The following DACH1 variants were observed in gnomAD, a reference collection of about 807,000 sequenced individuals.
DACH1 encodes dachshund family transcription factor 1, also known as dachshund homolog 1.
DACH1 carries 12 observed loss-of-function variants against 54.2 expected under a neutral mutation model. The ratio of observed to expected loss-of-function variants is 0.22; its 90% CI spans 0.14 to 0.36. The LOEUF is 0.36. Among genes scored for constraint, DACH1 ranks in the 10% least tolerant of loss-of-function variants. The pLI is 1.00. For missense variants in DACH1, 805 were observed against 929.8 expected (o/e 0.87, Z 1.75); for synonymous variants, 386 against 366.2 (o/e 1.05, Z -0.62).
chr13:71,467,475 G>A (rs1876691524), intron 10 of DACH1, among the ~76,000 whole-genome samples: 1 of 150,062 alleles, frequency 6.7e-6, no homozygotes, highest in South Asian at 2.1e-4. Flanking sequence ...TTGTGCACAT[G>A]TACCCTAAAA....
At chr13:71,475,940 C>A in intron 8 of DACH1, 91 bp from the exon 9 acceptor site, 1 of 1,012,800 alleles carries the variant, frequency 9.9e-7, no homozygotes, top group South Asian at 3.1e-5. Flanking sequence ...TTATATTATT[C>A]ATTTTGTTTT....
intron 1 of DACH1, among the ~76,000 whole-genome samples, chr13:71,685,721 G>A (rs1881126208): frequency 6.6e-6 from 1 of 151,972 alleles, no homozygotes; most frequent in Non-Finnish European, 1.5e-5. Flanking sequence ...TCTTTCAAAG[G>A]CATTTTAGGG....
chr13:71,738,549 A>G (rs555164371), intron 1 of DACH1, among the ~76,000 whole-genome samples: 1 of 151,646 alleles, frequency 6.6e-6, no homozygotes, highest in South Asian at 2.1e-4. Flanking sequence ...GACCAATATT[A>G]TGGTGAAACC....
chr13:71,620,830 A>T (rs1876179326), intron 3 of DACH1, among the ~76,000 whole-genome samples: 2 of 151,972 alleles, frequency 1.3e-5, no homozygotes, highest in Admixed American at 1.3e-4. Context: ...TTCTCCAAAG[A>T]TCATAATCTA....
chr13:71,798,319 CATACATATATATATAT>C (rs1443795970), intron 1 of DACH1, among the ~76,000 whole-genome samples: 1 of 85,470 alleles, frequency 1.2e-5, no homozygotes, highest in Non-Finnish European at 2.3e-5. Context: ...GAACTTGTTA[CATACATATATATATAT>C]ATATATATAT....
At chr13:71,709,343 C>T (rs904970797) in intron 1 of DACH1, among the ~76,000 whole-genome samples, 7 of 151,930 alleles carry the variant, frequency 4.6e-5, no homozygotes, top group Non-Finnish European at 8.8e-5. Flanking sequence ...AACCACAGTC[C>T]AAAAACATTA....
chr13:71,439,483 G>A lies in DACH1; in HGVS notation c.*1172C>T, dbSNP rs2138089228. 1 of 152,482 alleles carries A rather than the reference G, an allele frequency of 6.6e-6. No homozygotes were observed. The highest frequency in any genetic ancestry group is 6.6e-5 in the Admixed American group (1 of 15,244). 9.4% of individuals were successfully genotyped at this position (152,482 alleles called of 1,614,324 possible). A position where few individuals can be genotyped will look rare whatever the true frequency, so the allele number is the denominator to read the frequency against. ...GTATTGGACTGGTACATCAAGGTTTGTTAGGTTTTGTTTTCAGCAACATTA... is the reference window on the plus strand; with the variant it reads ...GTATTGGACTGGTACATCAAGGTTTATTAGGTTTTGTTTTCAGCAACATTA... On this transcript the variant is annotated 3_prime_UTR_variant, in exon 11 of 11. Coordinates refer to ENST00000613252, the MANE Select transcript of DACH1 (RefSeq NM_080759.6).
At chr13:71,513,247 TA>T (rs1446032607) in intron 6 of DACH1, among the ~76,000 whole-genome samples, 2 of 151,972 alleles carry the variant, frequency 1.3e-5, no homozygotes, top group Non-Finnish European at 2.9e-5. Flanking sequence ...ATAATTGGCT[TA>T]GCAAATCTTT....
At chr13:71,596,332 T>C (rs1874095111) in intron 3 of DACH1, among the ~76,000 whole-genome samples, 1 of 152,092 alleles carries the variant, frequency 6.6e-6, no homozygotes, top group Non-Finnish European at 1.5e-5. Context: ...CTACTCCAAA[T>C]ACTGGAAAAT....
At chr13:71,496,304 T>TATAC (rs1171738481) in intron 6 of DACH1, among the ~76,000 whole-genome samples, 1 of 105,700 alleles carries the variant, frequency 9.5e-6, no homozygotes, top group Non-Finnish European at 2.0e-5. Flanking sequence ...TATATATATA[T>TATAC]ATACACACAC....
At chr13:71,859,637 C>A (rs1166110689) in intron 1 of DACH1, among the ~76,000 whole-genome samples, 1 of 151,760 alleles carries the variant, frequency 6.6e-6, no homozygotes, top group Non-Finnish European at 1.5e-5. Context: ...TTCTCAGAAA[C>A]CTCCTTAAAA....
chr13:71,818,784 T>C (rs1278646286), intron 1 of DACH1, among the ~76,000 whole-genome samples: 1 of 152,244 alleles, frequency 6.6e-6, no homozygotes, highest in East Asian at 1.9e-4. Flanking sequence ...CTTTGGAGTG[T>C]GGACAATAAA....
At chr13:71,536,765 C>G (rs1403889676) in intron 6 of DACH1, among the ~76,000 whole-genome samples, 1 of 152,056 alleles carries the variant, frequency 6.6e-6, no homozygotes, top group African/African-American at 2.4e-5. Flanking sequence ...GTAGGAGACA[C>G]TCTTGAGCTT....
At chr13:71,794,484 G>T (rs923879183) in intron 1 of DACH1, among the ~76,000 whole-genome samples, 1 of 152,110 alleles carries the variant, frequency 6.6e-6, no homozygotes, top group African/African-American at 2.4e-5. Flanking sequence ...TGTCGCCCAG[G>T]CTGGAGTGCA....
chr13:71,685,976 G>A (rs1028519081), intron 1 of DACH1, among the ~76,000 whole-genome samples: 13 of 152,016 alleles, frequency 8.6e-5, no homozygotes, highest in Non-Finnish European at 1.5e-4. Flanking sequence ...AAGAGGAAGC[G>A]AAACAATGAA....
Position 71,475,287 on chromosome 13 carries a change from T to C in DACH1, c.2015-78A>G, listed in dbSNP as rs1336321449. On this transcript the variant is annotated intron_variant, in intron 9 of 10. Coordinates refer to ENST00000613252, the MANE Select transcript of DACH1 (RefSeq NM_080759.6). ...CCTTTAAAAAAAAAGAGCAACCTGT[T>C]ACTTTGGTGCTGAATTAAAATTACG... The C allele has an allele frequency of 3.5e-6, 4 of 1,158,758 alleles. No individual in the cohort carries two copies. The African/African-American group carries it at 6.1e-5, about 18-fold the overall frequency. 71.8% of individuals were successfully genotyped at this position (1,158,758 alleles called of 1,614,324 possible).
chr13:71,534,613 A>C (rs1882634376), intron 6 of DACH1, among the ~76,000 whole-genome samples: 1 of 151,726 alleles, frequency 6.6e-6, no homozygotes, highest in East Asian at 1.9e-4. Flanking sequence ...AAAGAAATGA[A>C]GAAACAGTAT....
intron 1 of DACH1, among the ~76,000 whole-genome samples, chr13:71,799,876 A>G (rs1887219407): frequency 6.6e-6 from 1 of 152,156 alleles, no homozygotes; most frequent in Admixed American, 6.6e-5. Context: ...TTTCGGATGG[A>G]AAAAATCTTG....
chr13:71,554,529 T>C (rs778277725), intron 6 of DACH1, among the ~76,000 whole-genome samples: 27 of 152,144 alleles, frequency 1.8e-4, no homozygotes, highest in Admixed American at 1.2e-3. Context: ...AATGTTCTAA[T>C]GTGTTTCATA....
Sources: gnomAD v4.1 joint callset for allele counts (sites outside exome capture counted in the v4.1 genomes callset) on GRCh38, gnomAD v4.1.1 for gene constraint, MANE v1.5 for transcripts, NCBI Gene and HGNC (gene_info 2026-07-23, HGNC 2026-07-21) for gene names.